The following PGAP1 variants were observed in gnomAD, a reference collection of about 807,000 sequenced individuals.
PGAP1 encodes the protein GPI inositol-deacylase.
Under a neutral mutation model 127.0 loss-of-function variants are expected in PGAP1, and 76 were observed. The observed-to-expected ratio is 0.60, with a 90% confidence interval of 0.50 to 0.72. The LOEUF (loss-of-function observed/expected upper bound fraction) is 0.72, where lower values mean the gene tolerates loss of function less well. Ranked by LOEUF, PGAP1 falls within the 30% of genes least tolerant of loss-of-function variation. The pLI is 0.00. For synonymous variants in PGAP1, 362 were observed against 366.5 expected, an observed-to-expected ratio of 0.99 and a Z score of 0.14; for missense variants, 982 against 1,071.3, an observed-to-expected ratio of 0.92 and a Z score of 1.16.
chr2:196,900,913 C>T (rs752494071), intron 5 of PGAP1, among the ~76,000 whole-genome samples: 27 of 151,280 alleles, frequency 1.8e-4, no homozygotes, highest in African/African-American at 5.4e-4. Context: ...GGCTACAGAG[C>T]GAGACTCCGT....
rs1402044232 is a variant in PGAP1, at chr2:196,916,535, G to A, written c.360C>T (p.His120=). ...RKAEDIDFKY[H]FDFFSVNFNE... is the part of the protein sequence containing the mutation. ...TGAAGTTCACACTAAAGAAGTCAAAGTGGTACTTGAAGTCAATGTCCTCTG... is the reference window on the plus strand; with the variant it reads ...TGAAGTTCACACTAAAGAAGTCAAAATGGTACTTGAAGTCAATGTCCTCTG... The change falls in exon 3 of 27, where the codon CAC becomes CAT. Residue 120 remains histidine (H), a synonymous_variant. Coordinates refer to ENST00000354764, the MANE Select transcript of PGAP1 (RefSeq NM_024989.4). 1 of 1,613,422 alleles carries A rather than the reference G, an allele frequency of 6.2e-7. No individual in the cohort carries two copies. The highest frequency in any genetic ancestry group is 8.5e-7 in the Non-Finnish European group (1 of 1,179,766).
chr2:196,888,395 C>T (rs1000708025), intron 10 of PGAP1, among the ~76,000 whole-genome samples: 2 of 151,974 alleles, frequency 1.3e-5, no homozygotes, highest in East Asian at 1.9e-4. Context: ...ATATTATGTA[C>T]CTCCTGGTAC....
At chr2:196,847,859 T>C in intron 21 of PGAP1, 88 bp downstream of exon 21, 1 of 994,486 alleles carries the variant, frequency 1.0e-6, no homozygotes, top group Non-Finnish European at 1.4e-6. Flanking sequence ...GCCAAATCTG[T>C]ATGAAAATTT....
At chr2:196,871,386 T>C (rs940538812) in intron 18 of PGAP1, among the ~76,000 whole-genome samples, 2 of 152,168 alleles carry the variant, frequency 1.3e-5, no homozygotes, top group African/African-American at 4.8e-5. Context: ...GTCTATTTGA[T>C]ATTAGAAAGG....
chr2:196,926,425 G>C, intron 1 of PGAP1, 45 bp downstream of exon 1: 1 of 1,611,640 alleles, frequency 6.2e-7, no homozygotes, highest in Non-Finnish European at 8.5e-7. Flanking sequence ...GGCACCAGGG[G>C]CCAGAGTCTT....
intron 20 of PGAP1, among the ~76,000 whole-genome samples, chr2:196,857,410 T>A (rs773821250): frequency 6.6e-6 from 1 of 152,182 alleles, no homozygotes; most frequent in African/African-American, 2.4e-5. Flanking sequence ...CATCCCTCAG[T>A]GCTCAAATGT....
At chr2:196,873,430 T>C (rs1701466743) in intron 16 of PGAP1, 98 bp downstream of exon 16, 1 of 817,856 alleles carries the variant, frequency 1.2e-6, no homozygotes, top group Non-Finnish European at 1.9e-6. Flanking sequence ...CATAAAAATA[T>C]ATGGAAGAAT....
chr2:196,878,455 C>CG (rs1389148916), intron 13 of PGAP1, among the ~76,000 whole-genome samples: 3 of 152,080 alleles, frequency 2.0e-5, no homozygotes, highest in African/African-American at 7.2e-5. Flanking sequence ...TTTTAGATGG[C>CG]GCGTCCTCAT....
At chr2:196,913,455 C>T (rs543147770) in intron 3 of PGAP1, among the ~76,000 whole-genome samples, 1 of 152,324 alleles carries the variant, frequency 6.6e-6, no homozygotes, top group Admixed American at 6.5e-5. Flanking sequence ...AAGACAATTA[C>T]AGTTGCGATA....
chr2:196,924,224 A>C (rs528285453), intron 1 of PGAP1, among the ~76,000 whole-genome samples: 2 of 152,346 alleles, frequency 1.3e-5, no homozygotes, highest in South Asian at 4.1e-4. Context: ...CTGGCTAACT[A>C]AAGAAGATGC....
intron 20 of PGAP1, among the ~76,000 whole-genome samples, chr2:196,850,268 C>G (rs2125781372): frequency 6.6e-6 from 1 of 152,286 alleles, no homozygotes; most frequent in South Asian, 2.1e-4. Flanking sequence ...GCACATATAC[C>G]TTTGAAATAG....
At chr2:196,870,281 TTTTC>T (rs1360113558) in intron 19 of PGAP1, among the ~76,000 whole-genome samples, 7 of 151,934 alleles carry the variant, frequency 4.6e-5, no homozygotes, top group African/African-American at 7.2e-5. Flanking sequence ...ATGAAATCTT[TTTTC>T]TTTTTCTTTC....
chr2:196,913,300 C>T (rs1702895193), intron 3 of PGAP1, among the ~76,000 whole-genome samples: 1 of 152,100 alleles, frequency 6.6e-6, no homozygotes, highest in Non-Finnish European at 1.5e-5. Context: ...AACAGTTGGT[C>T]TAGCAAATCA....
chr2:196,898,322 A>G lies in PGAP1; in HGVS notation c.855T>C (p.Ile285=). The part of the protein sequence containing the change: ...KTWVSTDHLS[I]VWCKQLQLTT... ...TTATACAAGTATTAACTTACCACAC[A>G]ATGGAGAGGTGGTCTGTTGAGACCC... Residue 285 remains isoleucine (I), a synonymous_variant, in exon 6 of 27, where the codon ATT becomes ATC. Transcript: ENST00000354764. 1 of 1,604,280 alleles carries G rather than the reference A, an allele frequency of 6.2e-7. No homozygotes were observed. The highest frequency in any genetic ancestry group is 8.5e-7 in the Non-Finnish European group (1 of 1,172,324).
At chr2:196,903,760 G>C (rs1378703057) in intron 4 of PGAP1, among the ~76,000 whole-genome samples, 5 of 152,134 alleles carry the variant, frequency 3.3e-5, no homozygotes, top group African/African-American at 1.2e-4. Context: ...ACTTCAAAGG[G>C]AAGAACCTGC....
In PGAP1 at chr2:196,873,688, T is replaced by C; in HGVS notation, c.1497A>G (p.Gly499=). ...TCTTGTAGTCAGGATTAATTACCTG[T>C]CCAAAGTTCAGAAGCTCTAGATTGT... The part of the protein sequence containing the change: ...LYYNLELLNF[G]QIYQAFKINV... The change falls in exon 15 of 27, where the codon GGA becomes GGG. Residue 499 remains glycine, a synonymous_variant. Transcript: ENST00000354764. 6.2e-7 allele frequency: 1 copy of C among 1,609,742 alleles called. No individual in the cohort carries two copies. The highest frequency in any genetic ancestry group is 8.5e-7 in the Non-Finnish European group (1 of 1,176,332).
At chr2:196,841,420 G>A (rs1475411593) in intron 26 of PGAP1, 48 bp from the exon 27 acceptor site, 2 of 1,421,014 alleles carry the variant, frequency 1.4e-6, no homozygotes, top group South Asian at 1.3e-5. Flanking sequence ...ACTACATTGT[G>A]AGCCAAAATT....
At chr2:196,916,615 T>G in intron 2 of PGAP1, 22 bp from the exon 3 acceptor site, 1 of 1,574,996 alleles carries the variant, frequency 6.3e-7, no homozygotes, top group Non-Finnish European at 8.6e-7. Context: ...AAGAGTGAAG[T>G]GCACATTAAA....
intron 3 of PGAP1, among the ~76,000 whole-genome samples, chr2:196,913,326 T>A (rs918688936): frequency 6.6e-6 from 1 of 152,214 alleles, no homozygotes; most frequent in African/African-American, 2.4e-5. Context: ...ATACTGTTGG[T>A]TACACTACAT....
Sources: allele counts gnomAD v4.1 joint callset (sites outside exome capture counted in the v4.1 genomes callset), GRCh38; gene constraint gnomAD v4.1.1; transcripts MANE v1.5; gene names NCBI Gene and HGNC (gene_info 2026-07-23, HGNC 2026-07-21).